The following AGBL1 variants were observed in gnomAD, a reference collection of about 807,000 sequenced individuals.
AGBL1 encodes the protein AGBL carboxypeptidase 1, also known as cytosolic carboxypeptidase 4.
AGBL1 carries 130 observed loss-of-function variants against 118.9 expected under a neutral mutation model. The observed-to-expected ratio is 1.09, with a 90% CI of 0.95 to 1.26. The LOEUF (loss-of-function observed/expected upper bound fraction) is 1.26, where lower values mean the gene tolerates loss of function less well. Among genes scored for constraint, AGBL1 ranks in the 50% most tolerant of loss-of-function variants. The pLI, the probability that AGBL1 is intolerant of heterozygous loss-of-function variation, is 0.00. For missense variants in AGBL1, 1,584 were observed against 1,298.1 expected, an observed-to-expected ratio of 1.22 and a Z score of -3.38; for synonymous variants, 555 against 478.9, an observed-to-expected ratio of 1.16 and a Z score of -2.08.
At chr15:86,749,629 T>A (rs560288022) in intron 22 of AGBL1, among the ~76,000 whole-genome samples, 1,601 of 152,286 alleles carry the variant, frequency 0.011, 34 homozygotes, top group African/African-American at 0.036. Context: ...CCCATTCAGT[T>A]TGATATTGGC....
intron 22 of AGBL1, among the ~76,000 whole-genome samples, chr15:86,875,273 C>T (rs1423210036): frequency 6.6e-6 from 1 of 152,190 alleles, no homozygotes; most frequent in Non-Finnish European, 1.5e-5. Context: ...TAAATAAGAT[C>T]TAGGTCTTAC....
chr15:86,476,751 T>A (rs1280733899), intron 18 of AGBL1, among the ~76,000 whole-genome samples: 1 of 151,590 alleles, frequency 6.6e-6, no homozygotes, highest in Non-Finnish European at 1.5e-5. Context: ...TCTACGGAAC[T>A]CTCCACCCCA....
At chr15:86,732,255 G>T (rs2077535995) in intron 22 of AGBL1, among the ~76,000 whole-genome samples, 1 of 152,142 alleles carries the variant, frequency 6.6e-6, no homozygotes, top group Admixed American at 6.5e-5. Flanking sequence ...AAATGATAGT[G>T]CATGTGTATG....
chr15:86,975,449 C>T (rs1167521447), intron 23 of AGBL1, among the ~76,000 whole-genome samples: 4 of 152,202 alleles, frequency 2.6e-5, no homozygotes, highest in African/African-American at 9.6e-5. Context: ...CACAGGGCCC[C>T]TCCCACGACA....
intron 22 of AGBL1, among the ~76,000 whole-genome samples, chr15:86,767,315 C>G (rs1223674205): frequency 6.6e-6 from 1 of 151,838 alleles, no homozygotes; most frequent in African/African-American, 2.4e-5. Context: ...GACGAATGGG[C>G]CTTTGTCTGG....
chr15:86,711,497 C>T lies in AGBL1; in HGVS notation c.3158+37061C>T, dbSNP rs77669269. 2.2e-3 allele frequency among the ~76,000 whole-genome samples: 340 copies of T among 152,284 alleles called. 2 individuals carry two copies. The highest frequency in any genetic ancestry group is 7.9e-3 in the African/African-American group (328 of 41,552). On this transcript the variant is annotated intron_variant, in intron 22 of 22. Coordinates refer to ENST00000614907, the MANE Select transcript of AGBL1 (RefSeq NM_001386094.1). ...TGTCCATGCTTAGTCACTGCCTCCT[C>T]TTATAGGAATGTAGGTAAGTCTTAC...
chr15:86,404,466 G>A (rs1596073302), intron 18 of AGBL1, among the ~76,000 whole-genome samples: 2 of 152,272 alleles, frequency 1.3e-5, no homozygotes, highest in East Asian at 3.9e-4. Context: ...GCTGGGCCAG[G>A]CCTTTTCCTT....
intron 19 of AGBL1, among the ~76,000 whole-genome samples, chr15:86,530,633 C>T (rs1308673621): frequency 6.6e-6 from 1 of 151,808 alleles, no homozygotes; most frequent in East Asian, 1.9e-4. Context: ...CAGAACTCTC[C>T]ACCCCAAATC....
intron 22 of AGBL1, among the ~76,000 whole-genome samples, chr15:86,747,872 C>T (rs1168616473): frequency 6.6e-6 from 1 of 152,176 alleles, no homozygotes; most frequent in African/African-American, 2.4e-5. Context: ...TTAATCCAGT[C>T]TATCGTTGAT....
At chr15:86,772,324 C>G (rs1260358237) in intron 22 of AGBL1, among the ~76,000 whole-genome samples, 2 of 151,992 alleles carry the variant, frequency 1.3e-5, no homozygotes, top group Admixed American at 6.6e-5. Context: ...CCAAGCAGCA[C>G]CAGTATAAAT....
chr15:86,964,637 C>CTT (rs201948740), intron 23 of AGBL1, among the ~76,000 whole-genome samples: 6 of 143,818 alleles, frequency 4.2e-5, no homozygotes, highest in South Asian at 2.2e-4. Flanking sequence ...AAATAGAAAT[C>CTT]TTTTTTTTTT....
intron 19 of AGBL1, among the ~76,000 whole-genome samples, chr15:86,529,393 A>C (rs1195133562): frequency 3.7e-5 from 5 of 133,720 alleles, no homozygotes; most frequent in Admixed American, 3.4e-4. Context: ...TGAAGCGAGA[A>C]GGGAAGTTTA....
chr15:86,928,222 C>T (rs1306563741), intron 23 of AGBL1, among the ~76,000 whole-genome samples: 1 of 152,050 alleles, frequency 6.6e-6, no homozygotes, highest in African/African-American at 2.4e-5. Context: ...GGATGCTGAG[C>T]CCTTGGGCTG....
In AGBL1 at chr15:86,892,831, A is replaced by G. The variant is rs916121282; in HGVS notation, c.3159-14256A>G. ...AGGGACACACTTTGTGATGGTGTGA[A>G]GTACCTGACAAACACAAAACCCTAG... is the stretch of plus-strand genomic sequence containing the variant. On this transcript the variant is annotated intron_variant, in intron 22 of 22. Transcript: ENST00000614907. Among the ~76,000 whole-genome samples, 28 of 152,214 alleles carry G rather than the reference A, an allele frequency of 1.8e-4. 1 individual carries two copies. The highest frequency in any genetic ancestry group is 6.3e-3 in the Middle Eastern group (2 of 316).
chr15:86,732,261 G>A (rs2077536103), intron 22 of AGBL1, among the ~76,000 whole-genome samples: 1 of 152,158 alleles, frequency 6.6e-6, no homozygotes, highest in Non-Finnish European at 1.5e-5. Flanking sequence ...TAGTGCATGT[G>A]TATGCATGTA....
chr15:86,625,315 T>A, intron 21 of AGBL1, among the ~76,000 whole-genome samples: 1 of 151,832 alleles, frequency 6.6e-6, no homozygotes, highest in Admixed American at 6.6e-5. Flanking sequence ...ACATTTCAAT[T>A]ACTTTCTCTT....
intron 5 of AGBL1, among the ~76,000 whole-genome samples, chr15:86,177,313 C>G (rs2077494911): frequency 6.6e-6 from 1 of 152,118 alleles, no homozygotes; most frequent in Non-Finnish European, 1.5e-5. Context: ...ACTGATAGAA[C>G]TGCAAGGAAA....
chr15:86,555,113 A>G (rs753614357), intron 21 of AGBL1, among the ~76,000 whole-genome samples: 22 of 152,190 alleles, frequency 1.4e-4, no homozygotes, highest in Middle Eastern at 3.2e-3. Flanking sequence ...TATAAATCAC[A>G]TTCTTTCTAC....
At chr15:86,339,964 C>CAA (rs756139859) in intron 17 of AGBL1, among the ~76,000 whole-genome samples, 6 of 133,314 alleles carry the variant, frequency 4.5e-5, no homozygotes, top group East Asian at 2.2e-4. Context: ...GACTCCATCT[C>CAA]AAAAAAAAAA....
Sources: gnomAD v4.1 joint callset for allele counts (sites outside exome capture counted in the v4.1 genomes callset) on GRCh38, gnomAD v4.1.1 for gene constraint, MANE v1.5 for transcripts, NCBI Gene and HGNC (gene_info 2026-07-23, HGNC 2026-07-21) for gene names.